The following SPINK5 variants were observed in gnomAD, a reference collection of about 807,000 sequenced individuals.
The protein encoded by SPINK5 is serine protease inhibitor Kazal-type 5.
Under a neutral mutation model 151.8 loss-of-function variants are expected in SPINK5, and 125 were observed. That is an observed-to-expected ratio of 0.82 (90% CI 0.71 to 0.96). SPINK5 has a LOEUF of 0.96. Ranked by LOEUF, SPINK5 falls within the 40% of genes least tolerant of loss-of-function variation. The pLI is 0.00. For synonymous variants in SPINK5, 374 were observed against 395.3 expected, an observed-to-expected ratio of 0.95 and a Z score of 0.64; for missense variants, 1,194 against 1,291.9, an observed-to-expected ratio of 0.92 and a Z score of 1.16.
intron 12 of SPINK5, among the ~76,000 whole-genome samples, chr5:148,099,977 G>C (rs181648038): frequency 2.6e-5 from 4 of 152,134 alleles, no homozygotes; most frequent in Admixed American, 2.0e-4. Context: ...AGAAAATCAT[G>C]CTCTGCTATG....
At chr5:148,117,950 T>C (rs115807879) in intron 22 of SPINK5, among the ~76,000 whole-genome samples, 1,566 of 152,272 alleles carry the variant, frequency 0.01, 34 homozygotes, top group African/African-American at 0.036. Flanking sequence ...TCATCTCTTA[T>C]AATTACAACA....
intron 29 of SPINK5, 21 bp downstream of exon 29, chr5:148,125,871 C>G (rs150467819): frequency 7.4e-6 from 12 of 1,613,962 alleles, no homozygotes; most frequent in Admixed American, 5.0e-5. Flanking sequence ...GGATTCTGCT[C>G]CCCCTGTAGC....
chr5:148,090,724 T>C (rs945578668), intron 7 of SPINK5: 6 of 173,692 alleles, frequency 3.5e-5, no homozygotes, highest in Non-Finnish European at 6.2e-5. Flanking sequence ...TACTTAAGGG[T>C]GTGGATGGCA....
intron 10 of SPINK5, 123 bp downstream of exon 10, chr5:148,096,028 T>C: frequency 2.7e-6 from 2 of 745,564 alleles, no homozygotes; most frequent in East Asian, 2.7e-5. Flanking sequence ...ACACTACTAG[T>C]AGGTTTGCTG....
At chr5:148,088,030 C>A (rs548451813) in intron 5 of SPINK5, among the ~76,000 whole-genome samples, 1 of 151,524 alleles carries the variant, frequency 6.6e-6, no homozygotes, top group Non-Finnish European at 1.5e-5. Flanking sequence ...CTTACATTTG[C>A]GGTTCTGTGT....
At chr5:148,124,687 G>T in intron 27 of SPINK5, 78 bp from the exon 28 acceptor site, 1 of 1,126,692 alleles carries the variant, frequency 8.9e-7, no homozygotes, top group Non-Finnish European at 1.2e-6. Context: ...GTTTAGAATC[G>T]CAGAAATACT....
At chr5:148,065,397 T>A (rs201373597) in intron 2 of SPINK5, 25 bp downstream of exon 2, 212 of 1,613,058 alleles carry the variant, frequency 1.3e-4, no homozygotes, top group Admixed American at 6.7e-4. Flanking sequence ...TTCTGTTCAT[T>A]GAATTCATTC....
At chr5:148,103,498 C>T (rs1753700308) in intron 15 of SPINK5, among the ~76,000 whole-genome samples, 1 of 152,100 alleles carries the variant, frequency 6.6e-6, no homozygotes. Context: ...ATCTTTGCTG[C>T]CTCCTCTGAC....
intron 18 of SPINK5, among the ~76,000 whole-genome samples, chr5:148,110,274 C>T (rs903042733): frequency 6.6e-6 from 1 of 152,082 alleles, no homozygotes; most frequent in African/African-American, 2.4e-5. Context: ...CTGTTAATGT[C>T]ATTATTGGTC....
chr5:148,093,336 T>G (rs1485311944), intron 8 of SPINK5, among the ~76,000 whole-genome samples: 2 of 151,870 alleles, frequency 1.3e-5, no homozygotes, highest in Non-Finnish European at 2.9e-5. Context: ...AAACAAATCT[T>G]TCTTGGATTT....
intron 30 of SPINK5, among the ~76,000 whole-genome samples, chr5:148,130,312 C>G (rs1373265036): frequency 1.3e-5 from 2 of 151,692 alleles, no homozygotes; most frequent in Non-Finnish European, 2.9e-5. Context: ...TAGAACTCAT[C>G]CTTTTACTTA....
rs1280204711 is a variant in SPINK5, at chr5:148,089,533, A to G, written c.514A>G (p.Arg172Gly). The G allele has an allele frequency of 1.2e-6, 2 of 1,612,090 alleles. No individual in the cohort carries two copies. Among genetic ancestry groups the G allele is most frequent in the Admixed American group, 3.3e-5 (2 of 59,836 alleles). The change falls in exon 7 of 33, where the codon AGA (arginine) becomes GGA (glycine). Residue 172 changes from arginine to glycine, a missense_variant. Transcript: ENST00000256084. ...TTTTCGGCCCTTTGTTAGAGATGGA[A>G]GACTTGGATGCACAAGGGAAAATGA... is the stretch of plus-strand genomic sequence containing the variant. ...SAFRPFVRDG[R>G]LGCTRENDPV...
chr5:148,100,182 C>T (rs1170791748), intron 12 of SPINK5, among the ~76,000 whole-genome samples: 3 of 151,974 alleles, frequency 2.0e-5, no homozygotes, highest in Non-Finnish European at 2.9e-5. Flanking sequence ...CCTGTATGTT[C>T]GTACCTATTT....
At chr5:148,082,262 A>G (rs2113030925) in intron 4 of SPINK5, among the ~76,000 whole-genome samples, 1 of 151,458 alleles carries the variant, frequency 6.6e-6, no homozygotes, top group East Asian at 1.9e-4. Context: ...TCATTTTACA[A>G]TGGGGTTGAG....
intron 31 of SPINK5, 102 bp from the exon 32 acceptor site, chr5:148,133,695 G>A: frequency 1.9e-6 from 2 of 1,070,890 alleles, no homozygotes; most frequent in Admixed American, 3.6e-5. Context: ...TCTAAATACA[G>A]TTTGGTTTGA....
At chr5:148,116,254 C>A in intron 21 of SPINK5, 116 bp from the exon 22 acceptor site, 1 of 1,038,370 alleles carries the variant, frequency 9.6e-7, no homozygotes, top group Non-Finnish European at 1.5e-6. Context: ...TAGATGTTAA[C>A]TCAATGCTCG....
intron 31 of SPINK5, among the ~76,000 whole-genome samples, chr5:148,132,393 T>TAAAAG (rs972268236): frequency 3.3e-5 from 5 of 152,172 alleles, no homozygotes; most frequent in African/African-American, 1.2e-4. Flanking sequence ...GAAAAATATT[T>TAAAAG]AAAAGAATTC....
chr5:148,086,297 T>C, intron 4 of SPINK5, 108 bp from the exon 5 acceptor site: 19 of 1,403,142 alleles, frequency 1.4e-5, no homozygotes, highest in Non-Finnish European at 1.8e-5. Context: ...TATGTTTTTC[T>C]TCTCCAGCAA....
At chr5:148,124,393 A>G (rs1348969308) in intron 27 of SPINK5, among the ~76,000 whole-genome samples, 1 of 152,250 alleles carries the variant, frequency 6.6e-6, no homozygotes, top group Non-Finnish European at 1.5e-5. Flanking sequence ...TATGTAAATA[A>G]CAATCAATAT....
Sources: gnomAD v4.1 joint callset for allele counts (sites outside exome capture counted in the v4.1 genomes callset) on GRCh38, gnomAD v4.1.1 for gene constraint, MANE v1.5 for transcripts, NCBI Gene and HGNC (gene_info 2026-07-23, HGNC 2026-07-21) for gene names.